The following SPIRE1 variants were observed in gnomAD, a reference collection of about 807,000 sequenced individuals.
The protein encoded by SPIRE1 is spire type actin nucleation factor 1, also known as protein spire homolog 1.
In SPIRE1, 40 loss-of-function variants were observed where a neutral mutation model predicts 94.1. That is an observed-to-expected ratio of 0.43 (90% CI 0.33 to 0.55). The LOEUF (loss-of-function observed/expected upper bound fraction) is 0.55, where lower values mean the gene tolerates loss of function less well. Among genes scored for constraint, SPIRE1 ranks in the 20% least tolerant of loss-of-function variants. The pLI is 0.06. For missense variants in SPIRE1, 838 were observed against 975.2 expected, an observed-to-expected ratio of 0.86 and a Z score of 1.87; for synonymous variants, 376 against 371.7, an observed-to-expected ratio of 1.01 and a Z score of -0.13.
chr18:12,652,419 TTAAA>T (rs1416836768), intron 1 of SPIRE1, among the ~76,000 whole-genome samples: 2 of 152,232 alleles, frequency 1.3e-5, no homozygotes, highest in African/African-American at 4.8e-5. Flanking sequence ...AAATAAAATG[TTAAA>T]TAAGCCACCA....
At chr18:12,586,275 C>A (rs2036387963) in intron 2 of SPIRE1, among the ~76,000 whole-genome samples, 1 of 151,998 alleles carries the variant, frequency 6.6e-6, no homozygotes, top group South Asian at 2.1e-4. Flanking sequence ...TTTTAAATTA[C>A]AAAAAAACGT....
At chr18:12,585,510 C>T (rs2036372633) in intron 2 of SPIRE1, among the ~76,000 whole-genome samples, 1 of 152,118 alleles carries the variant, frequency 6.6e-6, no homozygotes, top group Non-Finnish European at 1.5e-5. Context: ...GAGAAAGTTT[C>T]TATCTCTATA....
chr18:12,546,527 T>G (rs1432056975), intron 3 of SPIRE1, 147 bp downstream of exon 3: 1 of 657,418 alleles, frequency 1.5e-6, no homozygotes, highest in East Asian at 2.6e-5. Flanking sequence ...CAGCTACTCA[T>G]GAGGCAGAGG....
intron 8 of SPIRE1, among the ~76,000 whole-genome samples, chr18:12,491,767 A>C (rs2033243087): frequency 6.6e-6 from 1 of 152,194 alleles, no homozygotes; most frequent in Non-Finnish European, 1.5e-5. Flanking sequence ...AAACAAGGAA[A>C]ATCAATATGG....
At chr18:12,659,042 C>T (rs1297042633), upstream of SPIRE1, 1 of 159,520 alleles carries the variant, frequency 6.3e-6, no homozygotes, top group Admixed American at 6.3e-5. Flanking sequence ...CCCCCCCAAC[C>T]TATTAAATAT....
intron 9 of SPIRE1, among the ~76,000 whole-genome samples, chr18:12,480,103 A>C (rs940706333): frequency 6.6e-6 from 1 of 152,190 alleles, no homozygotes; most frequent in Non-Finnish European, 1.5e-5. Context: ...TTTAGACTTA[A>C]AAGGAATCCT....
intron 2 of SPIRE1, among the ~76,000 whole-genome samples, chr18:12,631,548 C>CAAAAAAAAAAAA (rs869278182): frequency 8.3e-4 from 53 of 63,786 alleles, no homozygotes; most frequent in Non-Finnish European, 9.9e-4. Context: ...CCCATCTCTA[C>CAAAAAAAAAAAA]AAAAAAAAAA....
intron 2 of SPIRE1, among the ~76,000 whole-genome samples, chr18:12,554,770 C>T (rs1157110521): frequency 1.3e-5 from 2 of 152,176 alleles, no homozygotes; most frequent in Non-Finnish European, 2.9e-5. Context: ...AATCCAACAA[C>T]ACATTAAAAA....
chr18:12,531,549 C>T (rs2034681800), intron 4 of SPIRE1, among the ~76,000 whole-genome samples: 1 of 152,180 alleles, frequency 6.6e-6, no homozygotes, highest in Admixed American at 6.5e-5. Flanking sequence ...ATGCTGTTAT[C>T]AGCAGCACTG....
In SPIRE1 at chr18:12,641,431, C is replaced by T. The variant is rs375715843; in HGVS notation, c.338-6335G>A. Among the ~76,000 whole-genome samples, 15 of 150,912 alleles carry T rather than the reference C, an allele frequency of 9.9e-5. No individual in the cohort carries two copies. In the South Asian group the frequency reaches 2.7e-3, roughly 27 times the overall value. ...GTCGCCAGTCTAGAGTGCAGTGGCACGATCTTGGCTTACTACAACCTCCGT... is the reference window on the plus strand; with the variant it reads ...GTCGCCAGTCTAGAGTGCAGTGGCATGATCTTGGCTTACTACAACCTCCGT... On this transcript the variant is annotated intron_variant, in intron 1 of 16. Transcript: ENST00000409402.
intron 10 of SPIRE1, among the ~76,000 whole-genome samples, chr18:12,466,384 C>T (rs1218083382): frequency 6.6e-6 from 1 of 152,120 alleles, no homozygotes; most frequent in African/African-American, 2.4e-5. Context: ...TCAAGCAATT[C>T]TCCTGCCTCA....
chr18:12,582,555 C>G (rs2036283734), intron 2 of SPIRE1, among the ~76,000 whole-genome samples: 2 of 152,014 alleles, frequency 1.3e-5, no homozygotes, highest in Non-Finnish European at 2.9e-5. Flanking sequence ...GCAAGAGTCG[C>G]AAGTGTGTCT....
At position 12,506,648 on chromosome 18, in the gene SPIRE1, G is replaced by A. The variant is rs755104229; in HGVS notation, c.808-7C>T. 2 of 1,613,754 alleles carry A rather than the reference G, an allele frequency of 1.2e-6. No individual in the cohort carries two copies. Among genetic ancestry groups the A allele is most frequent in the Non-Finnish European group, 1.7e-6 (2 of 1,179,798 alleles). On this transcript the variant is annotated splice_region_variant and splice_polypyrimidine_tract_variant and intron_variant, in intron 5 of 16. Transcript: ENST00000409402. Reference sequence around the variant, plus strand: ...CCTGTACCCAGAATCGTGCCTGAAAGAACCAAGGATAGAGAGACATCAATG... The same window carrying A: ...CCTGTACCCAGAATCGTGCCTGAAAAAACCAAGGATAGAGAGACATCAATG...
chr18:12,531,240 C>T lies in SPIRE1; in HGVS notation c.729+4236G>A, dbSNP rs7239238. 2.4e-3 allele frequency among the ~76,000 whole-genome samples: 372 copies of T among 152,200 alleles called. 3 individuals are homozygous for T. Among genetic ancestry groups the T allele is most frequent in the African/African-American group, 8.7e-3 (363 of 41,524 alleles). On this transcript the variant is annotated intron_variant, in intron 4 of 16. Coordinates refer to ENST00000409402, the MANE Select transcript of SPIRE1 (RefSeq NM_001128626.2). ...ACCTCAACTTTACATGGTACCCCCCCATCCCATTTATGTGCATATGCAGGA... is the reference window on the plus strand; with the variant it reads ...ACCTCAACTTTACATGGTACCCCCCTATCCCATTTATGTGCATATGCAGGA...
chr18:12,469,858 G>T (rs984406939), intron 10 of SPIRE1, among the ~76,000 whole-genome samples: 1 of 150,420 alleles, frequency 6.6e-6, no homozygotes, highest in Non-Finnish European at 1.5e-5. Context: ...CACTCAGAGG[G>T]TGCATTCTCT....
chr18:12,530,594 G>T (rs1022248416), intron 4 of SPIRE1, among the ~76,000 whole-genome samples: 10 of 152,218 alleles, frequency 6.6e-5, no homozygotes, highest in East Asian at 1.9e-4. Flanking sequence ...GATTACAGAA[G>T]TGAGCCACTG....
intron 2 of SPIRE1, among the ~76,000 whole-genome samples, chr18:12,626,715 AC>A (rs2037635530): frequency 6.6e-6 from 1 of 152,024 alleles, no homozygotes; most frequent in African/African-American, 2.4e-5. Flanking sequence ...TGGTTCCGCA[AC>A]TTTCTGGCTA....
rs558529161 is a variant in SPIRE1 at position 12,463,732 on chromosome 18, A to G, written c.1496-239T>C. Among the ~76,000 whole-genome samples, 3 of 152,360 alleles carry G rather than the reference A, an allele frequency of 2.0e-5. No homozygotes were observed. The South Asian group carries it at 6.2e-4, about 32-fold the overall frequency. On this transcript the variant is annotated intron_variant, in intron 11 of 16. Transcript: ENST00000409402. ...AAGGAAAAATGTTAGGTGTAGCCAGAAAGATTCCCAAATCATACCAAAATT... is the reference window on the plus strand; with the variant it reads ...AAGGAAAAATGTTAGGTGTAGCCAGGAAGATTCCCAAATCATACCAAAATT...
At chr18:12,580,067 T>C (rs1177127696) in intron 2 of SPIRE1, among the ~76,000 whole-genome samples, 1 of 152,176 alleles carries the variant, frequency 6.6e-6, no homozygotes, top group African/African-American at 2.4e-5. Context: ...GGTGAAAACA[T>C]GATAAGAGGA....
Sources: gnomAD v4.1 joint callset for allele counts (sites outside exome capture counted in the v4.1 genomes callset) on GRCh38, gnomAD v4.1.1 for gene constraint, MANE v1.5 for transcripts, NCBI Gene and HGNC (gene_info 2026-07-23, HGNC 2026-07-21) for gene names.